The following SORBS3 variants were observed in gnomAD, a reference collection of about 807,000 sequenced individuals.
The protein encoded by SORBS3 is vinexin.
SORBS3 carries 69 observed loss-of-function variants against 98.0 expected under a neutral mutation model. That is an observed-to-expected ratio of 0.70 (90% CI 0.58 to 0.86). SORBS3 has a LOEUF of 0.86. Ranked by LOEUF, SORBS3 falls within the 40% of genes least tolerant of loss-of-function variation. SORBS3 has a pLI of 0.00. For missense variants in SORBS3, 954 were observed against 908.5 expected, an observed-to-expected ratio of 1.05 and a Z score of -0.64; for synonymous variants, 394 against 355.4, an observed-to-expected ratio of 1.11 and a Z score of -1.22.
intron 3 of SORBS3, among the ~76,000 whole-genome samples, chr8:22,555,413 A>G (rs1840165654): frequency 6.6e-6 from 1 of 152,174 alleles, no homozygotes; most frequent in Non-Finnish European, 1.5e-5. Context: ...AGGTCCTGGG[A>G]ACTCCTGGGT....
Position 22,566,683 on chromosome 8 carries a change from G to A in SORBS3, c.1113G>A (p.Gly371=), listed in dbSNP as rs1394285504. Residue 371 remains glycine, a synonymous_variant, in exon 14 of 21, where the codon GGG becomes GGA. Transcript: ENST00000240123. ...CAGACCCTAGTGCCTCTAACGGAGGGGGCAGCCCAGCCAGGAGGGAAGAGA... is the reference window on the plus strand; with the variant it reads ...CAGACCCTAGTGCCTCTAACGGAGGAGGCAGCCCAGCCAGGAGGGAAGAGA... The part of the protein sequence containing the change: ...STRDPSASNG[G]GSPARREEKK... The A allele has an allele frequency of 1.9e-6, 3 of 1,610,694 alleles. No individual in the cohort carries two copies. The highest frequency in any genetic ancestry group is 2.5e-6 in the Non-Finnish European group (3 of 1,178,966).
At chr8:22,546,766 A>C (rs1242062526) in intron 1 of SORBS3, among the ~76,000 whole-genome samples, 3 of 152,234 alleles carry the variant, frequency 2.0e-5, no homozygotes, top group African/African-American at 7.2e-5. Flanking sequence ...TTGAATGTGG[A>C]GTTGGCCTAC....
intron 20 of SORBS3, 96 bp from the exon 21 acceptor site, chr8:22,574,571 C>T (rs530146903): frequency 4.1e-6 from 5 of 1,224,202 alleles, no homozygotes; most frequent in African/African-American, 1.5e-5. Context: ...AACTCCCCTA[C>T]AGTTCTGGGC....
chr8:22,562,231 T>A (rs956080658), intron 7 of SORBS3, among the ~76,000 whole-genome samples: 3 of 151,992 alleles, frequency 2.0e-5, no homozygotes, highest in Admixed American at 6.5e-5. Flanking sequence ...GCCCCAAAGA[T>A]CCCACCGGTC....
rs377308106 is a variant in SORBS3, at chr8:22,574,694, G to T, written c.1982G>T (p.Gly661Val). ...GTCTCCCGGAGGACCCAGAAATTCG[G>T]AACGTTCCCTGGAAATTACGTTGCC... ...VGVSRRTQKFGTFPGNYVAPV is the reference protein window; with the variant it reads ...VGVSRRTQKFVTFPGNYVAPV The change falls in exon 21 of 21, where the codon GGA (glycine) becomes GTA (valine). Residue 661 changes from glycine (G) to valine (V), a missense_variant. By Grantham distance (109) the Gly-to-Val change is moderately radical. Transcript: ENST00000240123. 3 of 1,611,572 alleles carry T rather than the reference G, an allele frequency of 1.9e-6. No individual in the cohort carries two copies. In the African/African-American group the frequency reaches 4.0e-5, roughly 22 times the overall value.
chr8:22,568,702 G>T (rs1438267981), intron 16 of SORBS3, among the ~76,000 whole-genome samples: 1 of 152,218 alleles, frequency 6.6e-6, no homozygotes, highest in Non-Finnish European at 1.5e-5. Flanking sequence ...TCCGGCTGGG[G>T]TAGATGGGGA....
chr8:22,568,118 C>G (rs1840474645), intron 16 of SORBS3, among the ~76,000 whole-genome samples: 2 of 152,146 alleles, frequency 1.3e-5, no homozygotes, highest in South Asian at 4.1e-4. Flanking sequence ...TCCCAAAGTG[C>G]TTGGGTTACA....
chr8:22,564,956 A>G, intron 10 of SORBS3: 1 of 1,314,636 alleles, frequency 7.6e-7, no homozygotes, highest in Non-Finnish European at 9.7e-7. Context: ...AGAAGATGGG[A>G]GAGGAAATGG....
chr8:22,574,389 C>T (rs914897388), intron 20 of SORBS3, among the ~76,000 whole-genome samples: 1 of 132,240 alleles, frequency 7.6e-6, no homozygotes, highest in African/African-American at 2.9e-5. Flanking sequence ...CCCCACTTTG[C>T]GGAGGAGGGG....
chr8:22,572,496 G>T, intron 20 of SORBS3, 50 bp downstream of exon 20: 1 of 1,404,380 alleles, frequency 7.1e-7, no homozygotes, highest in Middle Eastern at 2.0e-4. Context: ...GGGGATGTGG[G>T]TGGGGTGCTG....
intron 5 of SORBS3, chr8:22,561,127 C>A: frequency 2.0e-6 from 1 of 502,670 alleles, no homozygotes. Context: ...GCTTGGCTCG[C>A]TTAGGCCCCA....
intron 20 of SORBS3, 43 bp downstream of exon 20, chr8:22,572,489 G>T (rs1045343804): frequency 1.4e-6 from 2 of 1,464,936 alleles, no homozygotes; most frequent in Non-Finnish European, 1.9e-6. Context: ...GGCCCCAGGG[G>T]ATGTGGGTGG....
rs960205736 is a variant in SORBS3 at position 22,564,802 on chromosome 8, G to A, written c.816+281G>A. ...GGAAATATTCTTGGAGGTGGAGCTG[G>A]ACCCTTGAGAAGCTCCGAGGGCCTG... On this transcript the variant is annotated intron_variant, in intron 10 of 20. Coordinates refer to ENST00000240123, the MANE Select transcript of SORBS3 (RefSeq NM_005775.5). 4.7e-5 allele frequency: 62 copies of A among 1,310,588 alleles called. 1 individual carries two copies. The East Asian group carries it at 2.1e-3, about 44-fold the overall frequency. 81.2% of individuals were successfully genotyped at this position (1,310,588 alleles called of 1,614,324 possible). A position where few individuals can be genotyped will look rare whatever the true frequency, so the allele number is the denominator to read the frequency against.
chr8:22,552,651 G>GAGGTGGGC (rs1292460954), intron 1 of SORBS3, among the ~76,000 whole-genome samples: 2 of 152,172 alleles, frequency 1.3e-5, no homozygotes, highest in African/African-American at 2.4e-5. Context: ...CACCGAGCAC[G>GAGGTGGGC]AGGTGGGCGG....
In SORBS3 at chr8:22,563,975, C is replaced by T; in HGVS notation, c.585-12C>T. On this transcript the variant is annotated splice_polypyrimidine_tract_variant and intron_variant, in intron 7 of 20. Transcript: ENST00000240123. The stretch of plus-strand genomic sequence containing the variant: ...AAAAGGAAGCTGAAGAGATGTCCTT[C>T]CCTTTCTTTAGAAGAAGCTGGGACC... 1 of 1,605,372 alleles carries T rather than the reference C, an allele frequency of 6.2e-7. No homozygotes were observed. The highest frequency in any genetic ancestry group is 2.2e-5 in the East Asian group (1 of 44,826).
At chr8:22,572,681 G>A (rs1329579853) in intron 20 of SORBS3, among the ~76,000 whole-genome samples, 1 of 152,208 alleles carries the variant, frequency 6.6e-6, no homozygotes, top group African/African-American at 2.4e-5. Flanking sequence ...ACCAGTCCAG[G>A]GTCACTGATG....
chr8:22,552,478 A>G (rs1840100968), intron 1 of SORBS3, among the ~76,000 whole-genome samples: 1 of 152,136 alleles, frequency 6.6e-6, no homozygotes, highest in Non-Finnish European at 1.5e-5. Context: ...CCTGGCTGCC[A>G]AGAGAAGGAC....
Position 22,574,683 on chromosome 8 carries a change from C to A in SORBS3, c.1971C>A (p.Thr657=). The A allele has an allele frequency of 6.2e-7, 1 of 1,612,140 alleles. No individual in the cohort carries two copies. Among genetic ancestry groups the A allele is most frequent in the Non-Finnish European group, 8.5e-7 (1 of 1,179,080 alleles). The change falls in exon 21 of 21, where the codon ACC becomes ACA. Residue 657 remains threonine (T), a synonymous_variant. Transcript: ENST00000240123. ...DGWFVGVSRR[T]QKFGTFPGNY... is the part of the protein sequence containing the mutation. ...CTCTTTCAGGTGTCTCCCGGAGGAC[C>A]CAGAAATTCGGAACGTTCCCTGGAA...
At chr8:22,552,877 T>C (rs1840111646) in intron 1 of SORBS3, among the ~76,000 whole-genome samples, 1 of 152,182 alleles carries the variant, frequency 6.6e-6, no homozygotes, top group South Asian at 2.1e-4. Context: ...TTTGCTTTGG[T>C]GGGAGTCCTA....
Sources: allele counts gnomAD v4.1 joint callset (sites outside exome capture counted in the v4.1 genomes callset), GRCh38; gene constraint gnomAD v4.1.1; transcripts MANE v1.5; gene names NCBI Gene and HGNC (gene_info 2026-07-23, HGNC 2026-07-21).